TTC23L: variants seen among roughly 807,000 people sequenced by gnomAD.
TTC23L encodes the protein tetratricopeptide repeat protein 23-like.
A neutral mutation model predicts 48.1 loss-of-function variants in TTC23L; 42 were observed. That is an observed-to-expected ratio of 0.87 (90% CI 0.68 to 1.13). The LOEUF is 1.13. Ranked by LOEUF, TTC23L falls within the 50% of genes most tolerant of loss-of-function variation. The pLI is 0.00. For missense variants in TTC23L, 391 were observed against 421.0 expected, an observed-to-expected ratio of 0.93 and a Z score of 0.62; for synonymous variants, 159 against 157.2, an observed-to-expected ratio of 1.01 and a Z score of -0.09.
chr5:34,880,398 C>A, intron 9 of TTC23L, 90 bp downstream of exon 9: 1 of 1,324,446 alleles, frequency 7.6e-7, no homozygotes, highest in Non-Finnish European at 1.0e-6. Flanking sequence ...TACTGGAGAT[C>A]AGATAGGTCC....
downstream of TTC23L, chr5:34,902,388 A>G: frequency 2.6e-6 from 1 of 391,516 alleles, no homozygotes; most frequent in Admixed American, 2.6e-5. Flanking sequence ...TGCAGTCCAG[A>G]CTGGGTGACA....
At chr5:34,915,859 G>A in the TTC23L span, 16 of 1,564,406 alleles carry the variant, frequency 1.0e-5, no homozygotes, top group Middle Eastern at 1.7e-4. Flanking sequence ...GGAGGTGGAG[G>A]AAGAAGAGAG....
At chr5:34,875,282 T>G (rs188992848) in intron 8 of TTC23L, among the ~76,000 whole-genome samples, 4 of 152,296 alleles carry the variant, frequency 2.6e-5, no homozygotes, top group African/African-American at 7.2e-5. Flanking sequence ...CTTGTATTAG[T>G]CAGGGTTCTC....
chr5:34,884,005 A>C (rs1238908649), intron 9 of TTC23L, among the ~76,000 whole-genome samples: 3 of 152,200 alleles, frequency 2.0e-5, no homozygotes, highest in African/African-American at 7.2e-5. Context: ...AAAAATTCTC[A>C]ACAAAACACT....
intron 8 of TTC23L, among the ~76,000 whole-genome samples, chr5:34,870,707 A>T (rs1023265657): frequency 6.6e-6 from 1 of 151,874 alleles, no homozygotes; most frequent in Non-Finnish European, 1.5e-5. Context: ...AACAAAATAT[A>T]TAGCAATATA....
the TTC23L span, among the ~76,000 whole-genome samples, chr5:34,910,823 T>C: frequency 1.3e-5 from 2 of 152,232 alleles, no homozygotes; most frequent in Admixed American, 6.5e-5. Context: ...CTGAAATATT[T>C]CAAAAAGAGA....
At chr5:34,911,705 G>C in the TTC23L span, 1 of 1,614,086 alleles carries the variant, frequency 6.2e-7, no homozygotes, top group South Asian at 1.1e-5. Context: ...GTCTCCTCAG[G>C]TTCCTGTGTA....
intron 1 of TTC23L, among the ~76,000 whole-genome samples, chr5:34,840,335 C>A (rs1351121271): frequency 6.6e-5 from 10 of 151,260 alleles, no homozygotes; most frequent in African/African-American, 2.4e-4. Context: ...CGCCGTCAGA[C>A]CTGCAAAAAC....
At position 34,864,547 on chromosome 5, in the gene TTC23L, CACTT is replaced by C; in HGVS notation, c.648_651del (p.Ala218TrpfsTer11). 1 of 1,613,358 alleles carries C rather than the reference CACTT, an allele frequency of 6.2e-7. No individual in the cohort carries two copies. The highest frequency in any genetic ancestry group is 8.5e-7 in the Non-Finnish European group (1 of 1,179,534). ...TTACAAGTCTCTGAGAACGACCTAA[CACTT>C]GCTTTGGGCAGGTAAGATCTGGGCT... is the stretch of plus-strand genomic sequence containing the variant. On this transcript the variant is annotated frameshift_variant, in exon 6 of 11. Transcript: ENST00000505624. LOFTEE classifies it high-confidence loss of function.
the TTC23L span, chr5:34,915,965 CT>C: frequency 6.8e-7 from 1 of 1,461,310 alleles, no homozygotes; most frequent in Non-Finnish European, 9.1e-7. Context: ...GGGTTACTTA[CT>C]TGACTACAGC....
chr5:34,853,891 A>G (rs1346215281), intron 4 of TTC23L, among the ~76,000 whole-genome samples: 1 of 152,174 alleles, frequency 6.6e-6, no homozygotes, highest in East Asian at 1.9e-4. Flanking sequence ...GAGGTGATGA[A>G]CTTGAACTGA....
chr5:34,915,939 C>G, the TTC23L span: 1 of 1,496,156 alleles, frequency 6.7e-7, no homozygotes, highest in South Asian at 1.3e-5. Flanking sequence ...GGCGGCGGCT[C>G]TGTGCGCCTT....
At chr5:34,915,660 C>A in the TTC23L span, 2 of 1,456,712 alleles carry the variant, frequency 1.4e-6, no homozygotes, top group African/African-American at 1.4e-5. Flanking sequence ...GCGCTTAGAG[C>A]CGCCGAACCA....
chr5:34,846,598 T>TACAC (rs1318595576), intron 3 of TTC23L, among the ~76,000 whole-genome samples: 1 of 127,228 alleles, frequency 7.9e-6, no homozygotes, highest in African/African-American at 3.4e-5. Flanking sequence ...TATATATATA[T>TACAC]ATACACACAC....
downstream of TTC23L, chr5:34,902,440 G>C: frequency 2.7e-6 from 1 of 367,174 alleles, no homozygotes; most frequent in Middle Eastern, 3.7e-4. Flanking sequence ...TAATAATACA[G>C]CTCAAAGACC....
chr5:34,880,645 C>CTT (rs34549849), intron 9 of TTC23L: 7,315 of 365,610 alleles, frequency 0.02, 80 homozygotes, highest in African/African-American at 0.058. Context: ...CTCTGACAAA[C>CTT]TTTTTTTTTT....
the TTC23L span, chr5:34,915,377 G>A: frequency 1.4e-4 from 35 of 246,042 alleles, no homozygotes; most frequent in African/African-American, 5.4e-4. Context: ...GGACAGCATC[G>A]CTTACTAGTC....
At position 34,851,579 on chromosome 5, in the gene TTC23L, G is replaced by C. The variant is rs1580427732; in HGVS notation, c.379+1271G>C. Reference sequence around the variant, plus strand: ...AACACGTGTTGTGTTCTGAAAGAAGGTGCTATGGCTAGGGAGAGGAGAATG... The same window carrying C: ...AACACGTGTTGTGTTCTGAAAGAAGCTGCTATGGCTAGGGAGAGGAGAATG... On this transcript the variant is annotated intron_variant, in intron 4 of 10. Coordinates refer to ENST00000505624, the Ensembl canonical transcript of TTC23L. Among the ~76,000 whole-genome samples, 5 of 152,288 alleles carry C rather than the reference G, an allele frequency of 3.3e-5. 1 individual carries two copies. In the South Asian group the frequency reaches 6.2e-4, roughly 19 times the overall value.
intron 8 of TTC23L, chr5:34,869,362 C>G: frequency 5.1e-6 from 1 of 194,226 alleles, no homozygotes; most frequent in Non-Finnish European, 1.1e-5. Flanking sequence ...AGAGCTTTAC[C>G]TCCTCCACTT....
Sources: gnomAD v4.1 joint callset for allele counts (sites outside exome capture counted in the v4.1 genomes callset) on GRCh38, gnomAD v4.1.1 for gene constraint, MANE v1.5 for transcripts, NCBI Gene and HGNC (gene_info 2026-07-23, HGNC 2026-07-21) for gene names.